The following IGFL2 variants were observed in gnomAD, a reference collection of about 807,000 sequenced individuals.
IGFL2 encodes insulin growth factor-like family member 2.
In IGFL2, 7 loss-of-function variants were observed where a neutral mutation model predicts 13.9. The ratio of observed to expected loss-of-function variants is 0.51; its 90% CI spans 0.29 to 0.95. The LOEUF (loss-of-function observed/expected upper bound fraction) is 0.95. IGFL2 is among the 40% of genes least tolerant of loss of function. The pLI is 0.08. For missense variants in IGFL2, 138 were observed against 147.8 expected (o/e 0.93, Z 0.34); for synonymous variants, 55 against 55.8 (o/e 0.99, Z 0.07).
chr19:46,109,394 A>C, the IGFL2 span, among the ~76,000 whole-genome samples: 12 of 151,450 alleles, frequency 7.9e-5, no homozygotes, highest in African/African-American at 2.7e-4. Context: ...GGCTCACTGC[A>C]AGCTCCACCT....
chr19:46,145,327 GT>G (rs538905700), upstream of IGFL2, among the ~76,000 whole-genome samples: 106 of 151,886 alleles, frequency 7.0e-4, no homozygotes, highest in South Asian at 1.7e-3. Context: ...ATATATGTTT[GT>G]GTATAATTTC....
chr19:46,165,642 C>T (rs1422791964), downstream of IGFL2, among the ~76,000 whole-genome samples: 3 of 152,360 alleles, frequency 2.0e-5, no homozygotes, highest in East Asian at 1.9e-4. Flanking sequence ...CCTCCTCATG[C>T]AAGAGGGACA....
chr19:46,167,207 C>T, the IGFL2 span, among the ~76,000 whole-genome samples: 68 of 152,324 alleles, frequency 4.5e-4, no homozygotes, highest in African/African-American at 1.6e-3. Context: ...CAGCCGTTCC[C>T]TCCGTTTGGG....
chr19:46,146,228 G>A (rs893933080), upstream of IGFL2, among the ~76,000 whole-genome samples: 1 of 150,732 alleles, frequency 6.6e-6, no homozygotes, highest in African/African-American at 2.4e-5. Context: ...CCATTGAATT[G>A]CCTTTACATC....
Position 46,152,367 on chromosome 19 carries a change from C to T in IGFL2, c.19+4070C>T, listed in dbSNP as rs544452819. 8.2e-4 allele frequency among the ~76,000 whole-genome samples: 125 copies of T among 151,832 alleles called. 2 individuals are homozygous for T. The Middle Eastern group carries it at 0.017, about 21-fold the overall frequency. ...TCATAGCTCAATGCAGCTTCGAACT[C>T]CTGGGCTCAAGTAATCCTCCTGCCT... On this transcript the variant is annotated intron_variant, in intron 1 of 3. Coordinates refer to ENST00000377693, the MANE Select transcript of IGFL2 (RefSeq NM_001135113.2).
At chr19:46,142,206 A>G (rs1440180525), upstream of IGFL2, among the ~76,000 whole-genome samples, 2 of 152,222 alleles carry the variant, frequency 1.3e-5, no homozygotes, top group Non-Finnish European at 2.9e-5. Context: ...CTGGGACCCC[A>G]CACACACCCC....
At chr19:46,175,885 C>G in the IGFL2 span, among the ~76,000 whole-genome samples, 1 of 147,286 alleles carries the variant, frequency 6.8e-6, no homozygotes, top group Non-Finnish European at 1.5e-5. Flanking sequence ...CTCTGTCACC[C>G]AGGCTGGAGT....
chr19:46,125,025 A>G, the IGFL2 span, among the ~76,000 whole-genome samples: 2 of 141,236 alleles, frequency 1.4e-5, no homozygotes, highest in South Asian at 2.2e-4. Flanking sequence ...CTAAGCTCCA[A>G]TCAGAGAGAA....
chr19:46,201,382 T>G, the IGFL2 span, among the ~76,000 whole-genome samples: 2 of 152,274 alleles, frequency 1.3e-5, no homozygotes, highest in African/African-American at 4.8e-5. Context: ...CCTTGCATTC[T>G]GGCCTCTGGG....
the IGFL2 span, among the ~76,000 whole-genome samples, chr19:46,079,491 C>T: frequency 6.6e-6 from 1 of 152,182 alleles, no homozygotes; most frequent in Non-Finnish European, 1.5e-5. Flanking sequence ...GTTTGCACCC[C>T]TATAGCCCGA....
upstream of IGFL2, among the ~76,000 whole-genome samples, chr19:46,140,278 G>C (rs531716995): frequency 1.3e-5 from 2 of 150,738 alleles, no homozygotes; most frequent in Non-Finnish European, 2.9e-5. Flanking sequence ...TCTCAAAATG[G>C]TAGAACTTAC....
intron 2 of IGFL2, 62 bp from the exon 3 acceptor site, chr19:46,160,552 T>A (rs1974102194): frequency 6.2e-7 from 1 of 1,612,802 alleles, no homozygotes; most frequent in African/African-American, 1.3e-5. Context: ...GGCTCCTGAT[T>A]GGGGGATGTA....
chr19:46,151,622 A>G (rs952704225), intron 1 of IGFL2, among the ~76,000 whole-genome samples: 1 of 152,176 alleles, frequency 6.6e-6, no homozygotes, highest in Admixed American at 6.5e-5. Context: ...TAATTTCTTC[A>G]GAGAAGGCTG....
chr19:46,124,454 G>T, the IGFL2 span: 1 of 1,178,940 alleles, frequency 8.5e-7, no homozygotes, highest in Non-Finnish European at 1.3e-6. Context: ...GTCTGTATGG[G>T]ATCCCGTTCA....
the IGFL2 span, among the ~76,000 whole-genome samples, chr19:46,134,242 A>T: frequency 6.6e-6 from 1 of 152,278 alleles, no homozygotes; most frequent in East Asian, 1.9e-4. Flanking sequence ...ACTATTAGCA[A>T]TGAGGTAGTG....
the IGFL2 span, among the ~76,000 whole-genome samples, chr19:46,096,006 T>C: frequency 6.6e-6 from 1 of 152,218 alleles, no homozygotes; most frequent in South Asian, 2.1e-4. Flanking sequence ...ATATGGGCTC[T>C]TTTTTGGTTC....
the IGFL2 span, among the ~76,000 whole-genome samples, chr19:46,090,821 G>A: frequency 6.6e-6 from 1 of 152,226 alleles, no homozygotes; most frequent in Non-Finnish European, 1.5e-5. Flanking sequence ...GGCAGCTCTG[G>A]AAGCTTAGTC....
chr19:46,123,713 A>G, the IGFL2 span, among the ~76,000 whole-genome samples: 1 of 150,880 alleles, frequency 6.6e-6, no homozygotes, highest in Admixed American at 6.6e-5. Flanking sequence ...GTCCTCGACC[A>G]TGAAGAAAGG....
chr19:46,194,830 T>TTACATA, the IGFL2 span, among the ~76,000 whole-genome samples: 22 of 46,790 alleles, frequency 4.7e-4, no homozygotes, highest in African/African-American at 1.7e-3. Context: ...CTTCCTCATT[T>TTACATA]TATATATATA....
Sources: allele counts gnomAD v4.1 joint callset (sites outside exome capture counted in the v4.1 genomes callset), GRCh38; gene constraint gnomAD v4.1.1; transcripts MANE v1.5; gene names NCBI Gene and HGNC (gene_info 2026-07-23, HGNC 2026-07-21).